Variants in XYLB observed in about 807,000 individuals in gnomAD.
XYLB encodes the protein xylulose kinase.
Under a neutral mutation model 78.7 loss-of-function variants are expected in XYLB, and 62 were observed. The ratio of observed to expected loss-of-function variants is 0.79; its 90% CI spans 0.64 to 0.97. The LOEUF (loss-of-function observed/expected upper bound fraction) is 0.97, where lower values mean the gene tolerates loss of function less well. Among genes scored for constraint, XYLB ranks in the 50% least tolerant of loss-of-function variants. XYLB has a pLI of 0.00. For missense variants in XYLB, 687 were observed against 676.8 expected, an observed-to-expected ratio of 1.02 and a Z score of -0.17; for synonymous variants, 245 against 247.4, an observed-to-expected ratio of 0.99 and a Z score of 0.09.
intron 18 of XYLB, among the ~76,000 whole-genome samples, chr3:38,403,689 G>T (rs1708204875): frequency 6.6e-6 from 1 of 152,098 alleles, no homozygotes; most frequent in African/African-American, 2.4e-5. Flanking sequence ...GGTAGGGTCT[G>T]GCTCTTTCAT....
the XYLB span, among the ~76,000 whole-genome samples, chr3:38,429,335 C>A: frequency 0.023 from 3,487 of 152,222 alleles, 147 homozygotes; most frequent in African/African-American, 0.079. Context: ...TGGGAATCAA[C>A]CTGCAACAGC....
chr3:38,397,209 G>A (rs2234626), intron 17 of XYLB, 50 bp downstream of exon 17: 20,638 of 1,569,878 alleles, frequency 0.013, 188 homozygotes, highest in Middle Eastern at 0.058. Flanking sequence ...CAGGACATGG[G>A]GTGGGCTGAG....
intron 15 of XYLB, among the ~76,000 whole-genome samples, chr3:38,391,165 G>A (rs1409784732): frequency 1.3e-5 from 2 of 152,056 alleles, no homozygotes; most frequent in Admixed American, 1.3e-4. Context: ...AGTGAGCCAA[G>A]ATCACCCCAT....
rs1706453402 is a variant in XYLB at position 38,369,881 on chromosome 3, C to G, written c.647-175C>G. Among the ~76,000 whole-genome samples, 3 of 152,112 alleles carry G rather than the reference C, an allele frequency of 2.0e-5. No homozygotes were observed. The South Asian group carries it at 6.2e-4, about 32-fold the overall frequency. On this transcript the variant is annotated intron_variant, in intron 8 of 18. Transcript: ENST00000207870. ...TGGTGCCGTGTGTTTCCAAGGGCCC[C>G]TCTTGTCTCTGGTTCTCTGGTTCTA...
At chr3:38,448,435 G>A in the XYLB span, among the ~76,000 whole-genome samples, 1 of 152,236 alleles carries the variant, frequency 6.6e-6, no homozygotes, top group Non-Finnish European at 1.5e-5. Flanking sequence ...TGTCCTCCAT[G>A]AATTTGTACA....
chr3:38,389,867 C>T (rs907164906), intron 15 of XYLB, among the ~76,000 whole-genome samples: 1 of 152,202 alleles, frequency 6.6e-6, no homozygotes, highest in African/African-American at 2.4e-5. Flanking sequence ...ATTGGAGACT[C>T]TTCCAGATTT....
chr3:38,415,523 C>G (rs553929393), downstream of XYLB, among the ~76,000 whole-genome samples: 1 of 152,308 alleles, frequency 6.6e-6, no homozygotes, highest in East Asian at 1.9e-4. Context: ...TGGCTCATGT[C>G]TGTAATCCCA....
In XYLB at chr3:38,365,279, G is replaced by A. The variant is rs368523150; in HGVS notation, c.372G>A (p.Gln124=). 1.9e-6 allele frequency: 3 copies of A among 1,614,088 alleles called. No individual in the cohort carries two copies. Among genetic ancestry groups the A allele is most frequent in the East Asian group, 2.2e-5 (1 of 44,900 alleles). Residue 124 remains glutamine (Q), a synonymous_variant, in exon 5 of 19, where the codon CAG becomes CAA. Transcript: ENST00000207870. ...SLSPDLRLHQ[Q]LQDCFSISDC... is the part of the protein sequence containing the mutation. Reference sequence around the variant, plus strand: ...CACCAGACCTCCGGCTACACCAGCAGCTGCAGGTAACTGTGGCTACGTTGT... The same window carrying A: ...CACCAGACCTCCGGCTACACCAGCAACTGCAGGTAACTGTGGCTACGTTGT...
chr3:38,376,808 C>A, intron 13 of XYLB, 110 bp from the exon 14 acceptor site: 2 of 722,210 alleles, frequency 2.8e-6, no homozygotes, highest in Non-Finnish European at 4.5e-6. Context: ...GATGAAAGAG[C>A]CAGGGGACCC....
downstream of XYLB, among the ~76,000 whole-genome samples, chr3:38,419,900 A>G (rs372772186): frequency 9.2e-5 from 14 of 151,972 alleles, no homozygotes; most frequent in African/African-American, 2.7e-4. Flanking sequence ...GCTCACTGCA[A>G]TCTCTGCCTC....
Position 38,373,184 on chromosome 3 carries a change from A to G in XYLB, c.847+448A>G, listed in dbSNP as rs572790190. ...GACTTGTTTCTCGTCCAGACACCTC[A>G]TCTCCTTCCCTAGCCTCTTCTCTTC... On this transcript the variant is annotated intron_variant, in intron 10 of 18. Transcript: ENST00000207870. Among the ~76,000 whole-genome samples the G allele has an allele frequency of 2.0e-5, 3 of 152,008 alleles. No homozygotes were observed. In the East Asian group the frequency reaches 5.8e-4, roughly 29 times the overall value.
At chr3:38,404,671 C>G (rs528564074) in intron 18 of XYLB, among the ~76,000 whole-genome samples, 26 of 152,120 alleles carry the variant, frequency 1.7e-4, no homozygotes, top group African/African-American at 6.3e-4. Context: ...GAAAAAAACA[C>G]AAAAATTAGC....
At chr3:38,378,411 G>A (rs573568305) in intron 14 of XYLB, among the ~76,000 whole-genome samples, 1 of 152,328 alleles carries the variant, frequency 6.6e-6, no homozygotes, top group South Asian at 2.1e-4. Flanking sequence ...GACAGTAGAC[G>A]ACTGAATGAG....
Position 38,397,103 on chromosome 3 carries a change from A to G in XYLB, c.1382A>G (p.Tyr461Cys), listed in dbSNP as rs148983928. 68 of 1,614,104 alleles carry G rather than the reference A, an allele frequency of 4.2e-5. No homozygotes were observed. The African/African-American group carries it at 8.3e-4, about 20-fold the overall frequency. ...GCAGATGTGTTTGATGCCCCGGTGTATGTTATAGACACTGCCAACTCGGCC... is the reference window on the plus strand; with the variant it reads ...GCAGATGTGTTTGATGCCCCGGTGTGTGTTATAGACACTGCCAACTCGGCC... ...VLADVFDAPV[Y>C]VIDTANSACV... The change falls in exon 17 of 19, where the codon TAT becomes TGT. Residue 461 changes from tyrosine (Y) to cysteine (C), a missense_variant. Transcript: ENST00000207870.
At chr3:38,426,703 A>G in the XYLB span, among the ~76,000 whole-genome samples, 2 of 152,252 alleles carry the variant, frequency 1.3e-5, no homozygotes, top group Non-Finnish European at 2.9e-5. Context: ...GAAGTAGCCT[A>G]CTGTGACAAA....
chr3:38,372,611 G>A (rs1706628560), intron 9 of XYLB, 44 bp from the exon 10 acceptor site: 3 of 1,613,512 alleles, frequency 1.9e-6, no homozygotes, highest in Non-Finnish European at 2.5e-6. Flanking sequence ...GGGCAGGCGG[G>A]ATTTACCTCA....
chr3:38,375,582 G>C lies in XYLB; in HGVS notation c.1004+323G>C, dbSNP rs185968411. 1.5e-4 allele frequency among the ~76,000 whole-genome samples: 23 copies of C among 152,286 alleles called. 1 individual carries two copies. In the South Asian group the frequency reaches 3.7e-3, roughly 25 times the overall value. On this transcript the variant is annotated intron_variant, in intron 12 of 18. Coordinates refer to ENST00000207870, the MANE Select transcript of XYLB (RefSeq NM_005108.4). ...TTTCCTCATGAGATGGGGAGGGTAA[G>C]AGCATTTACCTCACATTGTTACTGT...
At chr3:38,372,459 C>T in intron 9 of XYLB, 196 bp from the exon 10 acceptor site, 1 of 985,396 alleles carries the variant, frequency 1.0e-6, no homozygotes, top group South Asian at 4.7e-5. Flanking sequence ...CACTGGACTT[C>T]TCTGGCGATT....
chr3:38,356,514 C>T (rs1705666124), intron 2 of XYLB: 1 of 152,188 alleles, frequency 6.6e-6, no homozygotes, highest in African/African-American at 2.4e-5. Context: ...TGATTCTGGA[C>T]ATTTCGTAGA....
Sources: allele counts gnomAD v4.1 joint callset (sites outside exome capture counted in the v4.1 genomes callset), GRCh38; gene constraint gnomAD v4.1.1; transcripts MANE v1.5; gene names NCBI Gene and HGNC (gene_info 2026-07-23, HGNC 2026-07-21).